SIK2: variants seen among roughly 807,000 people sequenced by gnomAD.
SIK2 encodes salt inducible kinase 2.
Under a neutral mutation model 103.2 loss-of-function variants are expected in SIK2, and 29 were observed. The observed-to-expected ratio is 0.28, with a 90% confidence interval of 0.21 to 0.38. The LOEUF (loss-of-function observed/expected upper bound fraction) is 0.38, where lower values mean the gene tolerates loss of function less well. SIK2 is among the 10% of genes least tolerant of loss of function. The pLI, the probability that SIK2 is intolerant of heterozygous loss-of-function variation, is 1.00. For missense variants in SIK2, 879 were observed against 1,171.0 expected (o/e 0.75, Z 3.64); for synonymous variants, 412 against 446.1 (o/e 0.92, Z 0.96).
intron 3 of SIK2, among the ~76,000 whole-genome samples, chr11:111,664,169 A>C (rs772359509): frequency 3.3e-5 from 5 of 152,236 alleles, no homozygotes; most frequent in Non-Finnish European, 7.3e-5. Context: ...CTAGTTCTGC[A>C]TAACCTTGTC....
At chr11:111,665,372 G>A (rs536379726) in intron 3 of SIK2, among the ~76,000 whole-genome samples, 13 of 152,092 alleles carry the variant, frequency 8.5e-5, no homozygotes, top group South Asian at 6.2e-4. Flanking sequence ...TGTGGTGGGG[G>A]TGCTTCTGAG....
intron 1 of SIK2, among the ~76,000 whole-genome samples, chr11:111,609,018 TTTAA>T (rs1170209267): frequency 3.2e-4 from 48 of 152,310 alleles, no homozygotes; most frequent in African/African-American, 9.6e-4. Flanking sequence ...TATTTTTATT[TTTAA>T]TTAACAAATA....
rs1232550647 is a variant in SIK2 at position 111,712,955 on chromosome 11, A to C, written c.1266+580A>C. Reference sequence around the variant, plus strand: ...CGAGGCGGGCAGATTGCCTGAGCTCAGGAGTTCCAGACCACCTTGGGCAAC... The same window carrying C: ...CGAGGCGGGCAGATTGCCTGAGCTCCGGAGTTCCAGACCACCTTGGGCAAC... On this transcript the variant is annotated intron_variant, in intron 9 of 14. Transcript: ENST00000304987. Among the ~76,000 whole-genome samples the C allele has an allele frequency of 2.6e-5, 4 of 152,154 alleles. No individual in the cohort carries two copies. The East Asian group carries it at 7.7e-4, about 29-fold the overall frequency.
intron 3 of SIK2, among the ~76,000 whole-genome samples, chr11:111,650,602 T>G (rs1656051733): frequency 6.6e-6 from 1 of 152,174 alleles, no homozygotes; most frequent in Admixed American, 6.6e-5. Flanking sequence ...ATAAACATTT[T>G]TTTGATCTTA....
chr11:111,656,023 CA>C (rs11337076), intron 3 of SIK2, among the ~76,000 whole-genome samples: 112,710 of 122,004 alleles, frequency 0.92, 52,017 homozygotes, highest in East Asian at 0.98. Flanking sequence ...ACTAAAAATG[CA>C]AAAAAAAAAA....
At chr11:111,699,741 C>T (rs1368454755) in intron 4 of SIK2, among the ~76,000 whole-genome samples, 1 of 152,216 alleles carries the variant, frequency 6.6e-6, no homozygotes, top group African/African-American at 2.4e-5. Flanking sequence ...ATGGAGTGAG[C>T]TTATTTTAAC....
At position 111,721,855 on chromosome 11, in the gene SIK2, G is replaced by A; in HGVS notation, c.1970G>A (p.Ser657Asn). ...GAAGAAGTTTCTCAGCAGCAGGAAAGCGTCTCCACTCTCCCTGCCAGCGTG... is the reference window on the plus strand; with the variant it reads ...GAAGAAGTTTCTCAGCAGCAGGAAAACGTCTCCACTCTCCCTGCCAGCGTG... ...PQEEVSQQQE[S>N]VSTLPASVHP... is the part of the protein sequence containing the mutation. The change falls in exon 13 of 15, where the codon AGC becomes AAC. Residue 657 changes from serine (S) to asparagine (N), a missense_variant. Around this residue, in one of 7 missense-constraint regions of SIK2, gnomAD observed 375 missense variants for 416.3 expected, o/e 0.90. Transcript: ENST00000304987. 6.2e-7 allele frequency: 1 copy of A among 1,610,854 alleles called. No homozygotes were observed.
At chr11:111,628,540 G>A (rs1941996499) in intron 3 of SIK2, among the ~76,000 whole-genome samples, 1 of 151,570 alleles carries the variant, frequency 6.6e-6, no homozygotes, top group Admixed American at 6.6e-5. Flanking sequence ...CTGGGCTCAA[G>A]CAATCCTCCT....
At chr11:111,664,576 A>T (rs978697328) in intron 3 of SIK2, among the ~76,000 whole-genome samples, 4 of 152,314 alleles carry the variant, frequency 2.6e-5, no homozygotes, top group African/African-American at 9.6e-5. Context: ...AGATCGCGCC[A>T]CTGCACTGCA....
rs751237612 is a variant in SIK2, at chr11:111,610,386, A to G, written c.136-5857A>G. On this transcript the variant is annotated intron_variant, in intron 1 of 14. Transcript: ENST00000304987. ...ATGCCTGTAATCCCAGCTACTTGGG[A>G]GGCTGAGGCAGGAGAATCACTTTGA... 3.3e-4 allele frequency among the ~76,000 whole-genome samples: 50 copies of G among 151,750 alleles called. 1 individual carries two copies. Among genetic ancestry groups the G allele is most frequent in the Non-Finnish European group, 5.0e-4 (34 of 67,888 alleles).
intron 9 of SIK2, 91 bp downstream of exon 9, chr11:111,712,466 TTA>T (rs1591639016): frequency 3.6e-6 from 5 of 1,383,754 alleles, no homozygotes; most frequent in East Asian, 5.0e-5. Context: ...TTATTGAACT[TTA>T]TCATTTCGTT....
chr11:111,617,852 A>G (rs541234029), intron 2 of SIK2, among the ~76,000 whole-genome samples: 35 of 149,848 alleles, frequency 2.3e-4, no homozygotes, highest in East Asian at 1.4e-3. Flanking sequence ...GTGTGTGTGT[A>G]TATATATATA....
intron 3 of SIK2, among the ~76,000 whole-genome samples, chr11:111,662,393 A>G (rs1464695829): frequency 6.6e-6 from 1 of 152,244 alleles, no homozygotes; most frequent in African/African-American, 2.4e-5. Context: ...AGGGAAAAAA[A>G]CAGTAAAACA....
chr11:111,678,231 C>T (rs372784872), intron 3 of SIK2, among the ~76,000 whole-genome samples: 2 of 152,180 alleles, frequency 1.3e-5, no homozygotes, highest in East Asian at 3.8e-4. Context: ...CAGATACTTT[C>T]CAGTTGATCA....
chr11:111,719,286 C>A (rs1943731869), intron 9 of SIK2, among the ~76,000 whole-genome samples: 1 of 148,250 alleles, frequency 6.7e-6, no homozygotes, highest in African/African-American at 2.5e-5. Context: ...AAATTTTGAA[C>A]ATAAAAGTCT....
At chr11:111,639,693 T>G (rs571204336) in intron 3 of SIK2, among the ~76,000 whole-genome samples, 34 of 152,366 alleles carry the variant, frequency 2.2e-4, no homozygotes, top group Non-Finnish European at 4.3e-4. Flanking sequence ...ATCCTTTGAT[T>G]GTATATGCAT....
At chr11:111,613,372 G>A (rs894623064) in intron 1 of SIK2, among the ~76,000 whole-genome samples, 1 of 152,016 alleles carries the variant, frequency 6.6e-6, no homozygotes, top group African/African-American at 2.4e-5. Flanking sequence ...TTTCCTGGGG[G>A]CAGGGGGTGC....
At chr11:111,673,157 G>T (rs1375791341) in intron 3 of SIK2, among the ~76,000 whole-genome samples, 1 of 152,148 alleles carries the variant, frequency 6.6e-6, no homozygotes, top group Non-Finnish European at 1.5e-5. Context: ...ATCTTTTAAA[G>T]GCCACAGAAG....
chr11:111,658,195 G>A (rs971287922), intron 3 of SIK2, among the ~76,000 whole-genome samples: 24 of 151,122 alleles, frequency 1.6e-4, no homozygotes, highest in African/African-American at 5.6e-4. Flanking sequence ...GCGTGAGCTC[G>A]GCTCACTGCA....
Sources: gnomAD v4.1 joint callset for allele counts (sites outside exome capture counted in the v4.1 genomes callset) on GRCh38, gnomAD v4.1.1 for gene constraint, gnomAD v4.1.1 regional missense constraint, MANE v1.5 for transcripts, NCBI Gene and HGNC (gene_info 2026-07-23, HGNC 2026-07-21) for gene names.